Variants in NFE2L3 observed in about 807,000 individuals in gnomAD.
NFE2L3 encodes nuclear factor erythroid 2-related factor 3.
In NFE2L3, 18 loss-of-function variants were observed where a neutral mutation model predicts 23.5. That is an observed-to-expected ratio of 0.77 (90% confidence interval 0.53 to 1.13). The LOEUF is 1.13. NFE2L3 is among the 50% of genes most tolerant of loss of function. The pLI, the probability that NFE2L3 is intolerant of heterozygous loss-of-function variation, is 0.00. For missense variants in NFE2L3, 1,152 were observed against 877.2 expected, an observed-to-expected ratio of 1.31 and a Z score of -3.96; for synonymous variants, 424 against 354.5, an observed-to-expected ratio of 1.20 and a Z score of -2.20.
intron 1 of NFE2L3, among the ~76,000 whole-genome samples, chr7:26,176,035 A>G (rs1043286109): frequency 3.3e-5 from 5 of 151,574 alleles, no homozygotes; most frequent in East Asian, 3.9e-4. Context: ...GTCCCTGGGT[A>G]CTTGAGATTA....
chr7:26,183,670 T>G, intron 2 of NFE2L3, 31 bp from the exon 3 acceptor site: 1 of 1,399,164 alleles, frequency 7.1e-7, no homozygotes, highest in Non-Finnish European at 1.0e-6. Context: ...GTCTTTTATG[T>G]GAAAGATGCA....
intron 1 of NFE2L3, among the ~76,000 whole-genome samples, chr7:26,170,246 G>A (rs1002593860): frequency 6.6e-5 from 10 of 152,066 alleles, no homozygotes; most frequent in African/African-American, 1.9e-4. Flanking sequence ...CTCCCTACCC[G>A]GCTAAAGAAG....
chr7:26,180,906 T>C (rs1212235474), intron 2 of NFE2L3, among the ~76,000 whole-genome samples: 1 of 152,218 alleles, frequency 6.6e-6, no homozygotes, highest in Non-Finnish European at 1.5e-5. Context: ...TGGTTCCTCA[T>C]TGTGTTATCT....
rs1315834027 is a variant in NFE2L3, at chr7:26,185,904, C to T, written c.*121C>T. 1.2e-6 allele frequency: 1 copy of T among 826,808 alleles called. No individual in the cohort carries two copies. The highest frequency in any genetic ancestry group is 2.7e-5 in the East Asian group (1 of 36,762). 51.2% of individuals were successfully genotyped at this position (826,808 alleles called of 1,614,324 possible). A position where few individuals can be genotyped will look rare whatever the true frequency, so the allele number is the denominator to read the frequency against. On this transcript the variant is annotated 3_prime_UTR_variant, in exon 4 of 4. Coordinates refer to ENST00000056233, the MANE Select transcript of NFE2L3 (RefSeq NM_004289.7). ...TCTTTAAGTACTGCTACTTGAATAA[C>T]TCAGTTAACGCTGTTTTGAAGCTTA...
intron 3 of NFE2L3, chr7:26,183,997 A>G (rs771449654): frequency 4.4e-5 from 23 of 524,570 alleles, no homozygotes; most frequent in Non-Finnish European, 7.4e-5. Context: ...GTCATGGAAA[A>G]CAGCGTGGAG....
At position 26,183,699 on chromosome 7, in the gene NFE2L3, A is replaced by G; in HGVS notation, c.751-2A>G. On this transcript the variant is annotated splice_acceptor_variant, in intron 2 of 3. Coordinates refer to ENST00000056233, the MANE Select transcript of NFE2L3 (RefSeq NM_004289.7). LOFTEE classifies it high-confidence loss of function. ...AGATGCACTTTTTGTGTTTCTCTAC[A>G]GAGACATCTGAATGGGACAGATACT... is the stretch of plus-strand genomic sequence containing the variant. 1.9e-6 allele frequency: 3 copies of G among 1,600,854 alleles called. No individual in the cohort carries two copies. Among genetic ancestry groups the G allele is most frequent in the Non-Finnish European group, 2.6e-6 (3 of 1,167,912 alleles).
Position 26,159,217 on chromosome 7 carries a change from A to T in NFE2L3, c.570+6149A>T, listed in dbSNP as rs367656323. Among the ~76,000 whole-genome samples the T allele has an allele frequency of 1.8e-4, 28 of 151,966 alleles. No individual in the cohort carries two copies. The East Asian group carries it at 4.3e-3, about 23-fold the overall frequency. On this transcript the variant is annotated intron_variant, in intron 1 of 3. Transcript: ENST00000056233. ...CATGTAGCCTTCTTTCCAGGAGAAAACTTTCTTCATCCCTTTGCCCAACAA... is the reference window on the plus strand; with the variant it reads ...CATGTAGCCTTCTTTCCAGGAGAAATCTTTCTTCATCCCTTTGCCCAACAA...
At chr7:26,175,841 CAA>C (rs1784394346) in intron 1 of NFE2L3, among the ~76,000 whole-genome samples, 1 of 141,212 alleles carries the variant, frequency 7.1e-6, no homozygotes, top group African/African-American at 2.6e-5. Context: ...GCTGTTTGAT[CAA>C]TTTTCTTTTC....
chr7:26,173,967 A>G (rs1164939577), intron 1 of NFE2L3: 4 of 152,242 alleles, frequency 2.6e-5, no homozygotes, highest in Non-Finnish European at 4.4e-5. Context: ...AGTTTTTTAT[A>G]TAGAGAGATT....
intron 1 of NFE2L3, among the ~76,000 whole-genome samples, chr7:26,164,033 C>G (rs568527972): frequency 1.1e-4 from 16 of 152,338 alleles, no homozygotes; most frequent in Admixed American, 9.8e-4. Context: ...ATATTTGCCA[C>G]ATTTTCTTAA....
intron 1 of NFE2L3, among the ~76,000 whole-genome samples, chr7:26,175,669 C>G (rs1431878988): frequency 2.7e-5 from 4 of 150,032 alleles, no homozygotes; most frequent in Non-Finnish European, 4.5e-5. Flanking sequence ...GTCCCAGTTA[C>G]TGGGGAGGCT....
rs770701662 is a variant in NFE2L3, at chr7:26,185,582, C to T, written c.1884C>T (p.Asn628=). 6.2e-7 allele frequency: 1 copy of T among 1,613,748 alleles called. No individual in the cohort carries two copies. Among genetic ancestry groups the T allele is most frequent in the Non-Finnish European group, 8.5e-7 (1 of 1,179,732 alleles). Residue 628 remains asparagine (N), a synonymous_variant, in exon 4 of 4, where the codon AAC becomes AAT. Coordinates refer to ENST00000056233, the MANE Select transcript of NFE2L3 (RefSeq NM_004289.7). The part of the protein sequence containing the change: ...ETLKREQAQC[N]KAINIMKQKL... Reference sequence around the variant, plus strand: ...TTAAGAGAGAGCAAGCACAATGTAACAAAGCTATTAACATAATGAAACAGA... The same window carrying T: ...TTAAGAGAGAGCAAGCACAATGTAATAAAGCTATTAACATAATGAAACAGA...
rs914055111 is a variant in NFE2L3 at position 26,161,335 on chromosome 7, C to CT, written c.570+8296dup. 2.6e-3 allele frequency among the ~76,000 whole-genome samples: 179 copies of CT among 69,540 alleles called. 2 individuals are homozygous for CT. The highest frequency in any genetic ancestry group is 3.6e-3 in the Non-Finnish European group (129 of 35,940). The allele number at this position is 69,540 out of a possible 152,430, so 45.6% of individuals were successfully genotyped here. On this transcript the variant is annotated intron_variant, in intron 1 of 3. Transcript: ENST00000056233. ...GAACTTAATTTCTTAGCTTCTCTCT[C>CT]TTTTTTTTTTTTTTTTTTTTTTTTT...
At chr7:26,177,676 T>G (rs1167495581) in intron 1 of NFE2L3, among the ~76,000 whole-genome samples, 1 of 152,200 alleles carries the variant, frequency 6.6e-6, no homozygotes, top group Non-Finnish European at 1.5e-5. Flanking sequence ...GCAACATTAA[T>G]TTCCAAATCT....
chr7:26,154,697 T>G (rs1236898064), intron 1 of NFE2L3, among the ~76,000 whole-genome samples: 1 of 152,194 alleles, frequency 6.6e-6, no homozygotes, highest in African/African-American at 2.4e-5. Context: ...AGAACTGGCG[T>G]GCACCACCAT....
At chr7:26,169,391 C>T (rs1258271339) in intron 1 of NFE2L3, among the ~76,000 whole-genome samples, 1 of 152,204 alleles carries the variant, frequency 6.6e-6, no homozygotes, top group Non-Finnish European at 1.5e-5. Context: ...GACATGGATG[C>T]ATCAGACTTG....
At chr7:26,181,842 A>T (rs1364406138) in intron 2 of NFE2L3, among the ~76,000 whole-genome samples, 1 of 152,224 alleles carries the variant, frequency 6.6e-6, no homozygotes. Context: ...AGTCATTTTC[A>T]TTGAAAATTC....
chr7:26,175,429 A>C (rs576417889), intron 1 of NFE2L3, among the ~76,000 whole-genome samples: 2 of 152,276 alleles, frequency 1.3e-5, no homozygotes, highest in South Asian at 4.1e-4. Context: ...AAGTGAAGTA[A>C]ACTCTTTCCC....
At chr7:26,163,764 G>A (rs1365275621) in intron 1 of NFE2L3, among the ~76,000 whole-genome samples, 2 of 151,986 alleles carry the variant, frequency 1.3e-5, no homozygotes, top group Non-Finnish European at 2.9e-5. Flanking sequence ...CCATTAACTC[G>A]TCATTTACAT....
Sources: gnomAD v4.1 joint callset for allele counts (sites outside exome capture counted in the v4.1 genomes callset) on GRCh38, gnomAD v4.1.1 for gene constraint, MANE v1.5 for transcripts, NCBI Gene and HGNC (gene_info 2026-07-23, HGNC 2026-07-21) for gene names.